Variants in GLDN observed in about 807,000 individuals in gnomAD.
The protein encoded by GLDN is gliomedin.
A neutral mutation model predicts 56.5 loss-of-function variants in GLDN; 47 were observed. The observed-to-expected ratio is 0.83, with a 90% confidence interval of 0.66 to 1.06. GLDN has a LOEUF of 1.06. Ranked by LOEUF, GLDN falls within the 50% of genes least tolerant of loss-of-function variation. GLDN has a pLI of 0.00. For synonymous variants in GLDN, 332 were observed against 278.8 expected, an observed-to-expected ratio of 1.19 and a Z score of -1.90; for missense variants, 782 against 714.3, an observed-to-expected ratio of 1.09 and a Z score of -1.08.
At chr15:51,397,960 A>T (rs2038170912) in intron 6 of GLDN, among the ~76,000 whole-genome samples, 1 of 152,252 alleles carries the variant, frequency 6.6e-6, no homozygotes, top group Admixed American at 6.5e-5. Context: ...AATGATGCTC[A>T]GGAGATGAAG....
At chr15:51,396,440 G>A (rs1024607870) in intron 5 of GLDN, among the ~76,000 whole-genome samples, 3 of 152,186 alleles carry the variant, frequency 2.0e-5, no homozygotes, top group African/African-American at 7.2e-5. Context: ...GAGGGTAAGG[G>A]GCAGAAAGCC....
chr15:51,407,675 G>C lies in GLDN; in HGVS notation c.*2921G>C, dbSNP rs963204720. 4 of 152,216 alleles carry C rather than the reference G, an allele frequency of 2.6e-5. No homozygotes were observed. The highest frequency in any genetic ancestry group is 9.6e-5 in the African/African-American group (4 of 41,452). 9.4% of individuals were successfully genotyped at this position (152,216 alleles called of 1,614,324 possible). A position where few individuals can be genotyped will look rare whatever the true frequency, so the allele number is the denominator to read the frequency against. ...CTATGACAGAAAAAGTTCTGGGGTG[G>C]AAGTTTTAAGATGAGGAGTTCTGAT... On this transcript the variant is annotated 3_prime_UTR_variant, in exon 10 of 10. Coordinates refer to ENST00000335449, the MANE Select transcript of GLDN (RefSeq NM_181789.4).
rs762920965 is a variant in GLDN at position 51,404,418 on chromosome 15, A to G, written c.1320A>G (p.Ser440=). ...DEKGLWIIYA[S]SVDGSSILVA... ...AGGGCCTTTGGATTATCTATGCGTC[A>G]AGTGTGGACGGCTCGAGCATTCTTG... Residue 440 remains serine (S), a synonymous_variant, in exon 10 of 10, where the codon TCA becomes TCG. Transcript: ENST00000335449. 6.2e-7 allele frequency: 1 copy of G among 1,614,210 alleles called. No individual in the cohort carries two copies. The highest frequency in any genetic ancestry group is 1.3e-5 in the African/African-American group (1 of 75,052).
At chr15:51,356,664 T>A (rs940718688) in intron 1 of GLDN, among the ~76,000 whole-genome samples, 1 of 152,178 alleles carries the variant, frequency 6.6e-6, no homozygotes, top group Non-Finnish European at 1.5e-5. Flanking sequence ...CCATCAGCCG[T>A]GTGACCTTCG....
intron 5 of GLDN, 66 bp from the exon 6 acceptor site, chr15:51,397,404 C>A: frequency 1.7e-6 from 1 of 574,984 alleles, no homozygotes; most frequent in Non-Finnish European, 2.5e-6. Context: ...CCTTCTCTGT[C>A]CCTCTCTCCC....
chr15:51,367,552 T>A (rs1374292593), intron 1 of GLDN: 1 of 152,134 alleles, frequency 6.6e-6, no homozygotes, highest in African/African-American at 2.4e-5. Flanking sequence ...CTGCTAGAGG[T>A]TCCACCCAGT....
At chr15:51,380,142 G>A (rs752042057) in intron 2 of GLDN, among the ~76,000 whole-genome samples, 1 of 152,216 alleles carries the variant, frequency 6.6e-6, no homozygotes, top group African/African-American at 2.4e-5. Context: ...TAGGAAGGTG[G>A]TGGGAGTTGG....
At chr15:51,359,705 G>A (rs896511837) in intron 1 of GLDN, among the ~76,000 whole-genome samples, 3 of 152,186 alleles carry the variant, frequency 2.0e-5, no homozygotes, top group Non-Finnish European at 4.4e-5. Context: ...AGCCAGGCGC[G>A]GTGGCTCATG....
chr15:51,391,015 G>A (rs1374846893), intron 4 of GLDN, among the ~76,000 whole-genome samples: 7 of 152,176 alleles, frequency 4.6e-5, no homozygotes, highest in African/African-American at 1.2e-4. Flanking sequence ...GACATATCAC[G>A]GCGAAAGCAC....
At chr15:51,367,539 G>A (rs2037430972) in intron 1 of GLDN, 2 of 152,228 alleles carry the variant, frequency 1.3e-5, no homozygotes, top group Non-Finnish European at 2.9e-5. Context: ...GCGGGAAGGA[G>A]CACTGCTAGA....
chr15:51,367,713 C>T (rs866501072), intron 1 of GLDN, among the ~76,000 whole-genome samples: 4 of 152,182 alleles, frequency 2.6e-5, no homozygotes, highest in Admixed American at 6.5e-5. Flanking sequence ...ATGGTTTCCC[C>T]ATTGCATTGC....
intron 1 of GLDN, among the ~76,000 whole-genome samples, chr15:51,373,681 T>A (rs1373432874): frequency 6.6e-6 from 1 of 152,138 alleles, no homozygotes; most frequent in Non-Finnish European, 1.5e-5. Context: ...ACGAGGCCAG[T>A]GCGACTGGAG....
In GLDN at chr15:51,367,840, GA is replaced by G. The variant is rs1291573107; in HGVS notation, c.364-9606del. ...CAAGTGCCCTGACTCAAGATAGTGTGAAAGGCTTGTGTATTATTGCCCTACA... is the reference window on the plus strand; with the variant it reads ...CAAGTGCCCTGACTCAAGATAGTGTGAAGGCTTGTGTATTATTGCCCTACA... On this transcript the variant is annotated intron_variant, in intron 1 of 9. Transcript: ENST00000335449. Among the ~76,000 whole-genome samples, 2 of 152,146 alleles carry G rather than the reference GA, an allele frequency of 1.3e-5. 1 individual carries two copies. Among genetic ancestry groups the G allele is most frequent in the Middle Eastern group, 6.3e-3 (2 of 316 alleles).
intron 4 of GLDN, among the ~76,000 whole-genome samples, chr15:51,389,873 T>C (rs1207388993): frequency 6.6e-6 from 1 of 152,038 alleles, no homozygotes; most frequent in African/African-American, 2.4e-5. Flanking sequence ...CAAAGTAAGG[T>C]CAGGGGGTTC....
chr15:51,390,088 G>GC (rs2037984652), intron 4 of GLDN, among the ~76,000 whole-genome samples: 1 of 152,158 alleles, frequency 6.6e-6, no homozygotes, highest in Non-Finnish European at 1.5e-5. Context: ...CGGCTCTTCC[G>GC]CTTACTAGCT....
intron 1 of GLDN, among the ~76,000 whole-genome samples, chr15:51,366,806 G>A (rs763329189): frequency 1.4e-4 from 21 of 152,048 alleles, no homozygotes; most frequent in Non-Finnish European, 2.2e-4. Flanking sequence ...AGCCACTCAG[G>A]AGAATTGCTT....
At chr15:51,387,838 C>T (rs866583099) in intron 4 of GLDN, among the ~76,000 whole-genome samples, 1 of 152,030 alleles carries the variant, frequency 6.6e-6, no homozygotes, top group Non-Finnish European at 1.5e-5. Flanking sequence ...ACATAGCCAG[C>T]ATTTACTGCC....
chr15:51,397,527 C>A lies in GLDN; in HGVS notation c.746C>A (p.Pro249His). ...GPPGPPGPPG[P>H]PGPPGSRRAK... Reference sequence around the variant, plus strand: ...CCTGGGCCCCCAGGCCCTCCAGGTCCTCCAGGGCCCCCTGGAAGCAGAAGA... The same window carrying A: ...CCTGGGCCCCCAGGCCCTCCAGGTCATCCAGGGCCCCCTGGAAGCAGAAGA... Residue 249 changes from proline (P) to histidine (H), a missense_variant, in exon 6 of 10, where the codon CCT becomes CAT. Transcript: ENST00000335449. The A allele has an allele frequency of 6.2e-7, 1 of 1,601,634 alleles. No homozygotes were observed. The highest frequency in any genetic ancestry group is 8.5e-7 in the Non-Finnish European group (1 of 1,173,210).
chr15:51,386,138 C>T (rs1268412078), intron 4 of GLDN, among the ~76,000 whole-genome samples: 1 of 152,132 alleles, frequency 6.6e-6, no homozygotes, highest in Non-Finnish European at 1.5e-5. Flanking sequence ...AGCAAAGACA[C>T]CCTTCTCTAC....
Sources: allele counts gnomAD v4.1 joint callset (sites outside exome capture counted in the v4.1 genomes callset), GRCh38; gene constraint gnomAD v4.1.1; transcripts MANE v1.5; gene names NCBI Gene and HGNC (gene_info 2026-07-23, HGNC 2026-07-21).